The following DNAAF9 variants were observed in gnomAD, a reference collection of about 807,000 sequenced individuals.
DNAAF9 encodes the protein shulin.
A neutral mutation model predicts 167.0 loss-of-function variants in DNAAF9; 90 were observed. That is an observed-to-expected ratio of 0.54 (90% CI 0.45 to 0.64). DNAAF9 has a LOEUF of 0.64. Among genes scored for constraint, DNAAF9 ranks in the 30% least tolerant of loss-of-function variants. The pLI is 0.00. For missense variants in DNAAF9, 1,315 were observed against 1,442.2 expected (o/e 0.91, Z 1.43); for synonymous variants, 491 against 508.8 (o/e 0.96, Z 0.47).
rs113437694 is a variant in DNAAF9 at position 3,336,061 on chromosome 20, T to G, written c.982-3700A>C. ...TTGCTTGAACCCAGGAGGCGGAGAT[T>G]GCAGTGATTCAAGATTGAGCCACTG... On this transcript the variant is annotated intron_variant, in intron 10 of 36. Transcript: ENST00000252032. Among the ~76,000 whole-genome samples, 209 of 152,190 alleles carry G rather than the reference T, an allele frequency of 1.4e-3. 1 individual carries two copies. The highest frequency in any genetic ancestry group is 2.7e-3 in the Non-Finnish European group (185 of 68,014).
chr20:3,269,111 G>T (rs183309513), intron 30 of DNAAF9, among the ~76,000 whole-genome samples: 231 of 151,168 alleles, frequency 1.5e-3, no homozygotes, highest in Non-Finnish European at 1.7e-3. Context: ...GTTCCACCGT[G>T]TTAACAAGGA....
intron 1 of DNAAF9, among the ~76,000 whole-genome samples, chr20:3,392,793 T>C (rs969997884): frequency 4.0e-5 from 4 of 99,236 alleles, no homozygotes; most frequent in African/African-American, 1.6e-4. Flanking sequence ...GATTTATGCT[T>C]TCTTTATCTT....
In DNAAF9 at chr20:3,388,937, T is replaced by C. The variant is rs543066224; in HGVS notation, c.84-6431A>G. Among the ~76,000 whole-genome samples, 14 of 152,284 alleles carry C rather than the reference T, an allele frequency of 9.2e-5. No homozygotes were observed. The South Asian group carries it at 2.7e-3, about 29-fold the overall frequency. On this transcript the variant is annotated intron_variant, in intron 1 of 36. Coordinates refer to ENST00000252032, the MANE Select transcript of DNAAF9 (RefSeq NM_001009984.3). Reference sequence around the variant, plus strand: ...ATTGTACACTTAGAAGTAGTTAAAATGGTAAATTTTATGGCATGTGTATTT... The same window carrying C: ...ATTGTACACTTAGAAGTAGTTAAAACGGTAAATTTTATGGCATGTGTATTT...
chr20:3,277,548 C>T (rs754324120), intron 29 of DNAAF9, among the ~76,000 whole-genome samples: 15 of 152,034 alleles, frequency 9.9e-5, no homozygotes, highest in Non-Finnish European at 1.9e-4. Flanking sequence ...ATTTGAAGGA[C>T]AGGTACCACC....
chr20:3,332,826 A>T (rs2069856283), intron 10 of DNAAF9, among the ~76,000 whole-genome samples: 1 of 151,556 alleles, frequency 6.6e-6, no homozygotes, highest in Non-Finnish European at 1.5e-5. Flanking sequence ...GGAAAAGATG[A>T]TCTTTAACTG....
intron 25 of DNAAF9, among the ~76,000 whole-genome samples, chr20:3,292,947 G>A (rs566161615): frequency 6.6e-5 from 10 of 151,870 alleles, no homozygotes; most frequent in South Asian, 2.1e-4. Context: ...TTAACAGGGC[G>A]TGGTGGCAGG....
In DNAAF9 at chr20:3,255,893, G is replaced by C. The variant is rs188637302; in HGVS notation, c.3261+113C>G. On this transcript the variant is annotated intron_variant, in intron 34 of 36. Coordinates refer to ENST00000252032, the MANE Select transcript of DNAAF9 (RefSeq NM_001009984.3). ...CAAGTGCTGGCTGGGCCAGGGAGAG[G>C]AAGCCCAGTGGGGAGGCATCAGGGA... 38 of 770,324 alleles carry C rather than the reference G, an allele frequency of 4.9e-5. No homozygotes were observed. In the East Asian group the frequency reaches 9.7e-4, roughly 20 times the overall value. 47.7% of individuals were successfully genotyped at this position (770,324 alleles called of 1,614,324 possible).
At position 3,391,474 on chromosome 20, in the gene DNAAF9, GA is replaced by G. The variant is rs979613544; in HGVS notation, c.84-8969del. 9.3e-5 allele frequency among the ~76,000 whole-genome samples: 14 copies of G among 150,968 alleles called. No individual in the cohort carries two copies. In the East Asian group the frequency reaches 2.3e-3, roughly 25 times the overall value. On this transcript the variant is annotated intron_variant, in intron 1 of 36. Transcript: ENST00000252032. ...TGAATATTTACTGTCTATTTTGAGG[GA>G]AAAAAAGGAATATTACATAAAAACC...
chr20:3,334,280 G>A (rs568981309), intron 10 of DNAAF9, among the ~76,000 whole-genome samples: 1 of 152,242 alleles, frequency 6.6e-6, no homozygotes, highest in Non-Finnish European at 1.5e-5. Context: ...GGTGTCTCAC[G>A]GTCATTTCAA....
chr20:3,295,022 C>T lies in DNAAF9; in HGVS notation c.2019-393G>A, dbSNP rs964507375. Among the ~76,000 whole-genome samples the T allele has an allele frequency of 1.8e-4, 28 of 151,884 alleles. 1 individual carries two copies. Among genetic ancestry groups the T allele is most frequent in the Admixed American group, 1.5e-3 (23 of 15,248 alleles). Reference sequence around the variant, plus strand: ...CTGGGACTACAGGTGCCTGCCACCACGCCCAACTAATTTTGTGTTTGTATT... The same window carrying T: ...CTGGGACTACAGGTGCCTGCCACCATGCCCAACTAATTTTGTGTTTGTATT... On this transcript the variant is annotated intron_variant, in intron 23 of 36. Coordinates refer to ENST00000252032, the MANE Select transcript of DNAAF9 (RefSeq NM_001009984.3).
chr20:3,285,796 T>C (rs1208989575), intron 27 of DNAAF9, among the ~76,000 whole-genome samples: 1 of 150,446 alleles, frequency 6.6e-6, no homozygotes, highest in Non-Finnish European at 1.5e-5. Flanking sequence ...CTGGCCAACA[T>C]AGTGAAATCT....
intron 30 of DNAAF9, among the ~76,000 whole-genome samples, chr20:3,269,610 T>C (rs1024021468): frequency 2.0e-5 from 3 of 152,122 alleles, no homozygotes; most frequent in African/African-American, 7.2e-5. Context: ...CAAAACAAAA[T>C]GCCTCAAAAT....
chr20:3,377,630 AT>A (rs375310644), intron 3 of DNAAF9, among the ~76,000 whole-genome samples: 22 of 146,552 alleles, frequency 1.5e-4, no homozygotes, highest in African/African-American at 4.3e-4. Context: ...GCTAATTTTT[AT>A]TTTTTTTTTG....
chr20:3,392,996 T>C (rs987455826), intron 1 of DNAAF9, among the ~76,000 whole-genome samples: 38 of 152,278 alleles, frequency 2.5e-4, no homozygotes, highest in African/African-American at 8.9e-4. Flanking sequence ...AGTATTTGTT[T>C]TTACATAAGC....
chr20:3,304,821 T>C (rs971894140), intron 20 of DNAAF9, among the ~76,000 whole-genome samples: 1 of 152,218 alleles, frequency 6.6e-6, no homozygotes, highest in African/African-American at 2.4e-5. Flanking sequence ...CATTACCTTA[T>C]GGGTATCTTC....
At chr20:3,308,865 C>T (rs1010244334) in intron 20 of DNAAF9, among the ~76,000 whole-genome samples, 1 of 151,964 alleles carries the variant, frequency 6.6e-6, no homozygotes, top group African/African-American at 2.4e-5. Context: ...CACATGACTC[C>T]TCCTCCATGC....
intron 20 of DNAAF9, among the ~76,000 whole-genome samples, chr20:3,305,448 G>A (rs1289569227): frequency 6.6e-6 from 1 of 152,240 alleles, no homozygotes. Context: ...ACAGGTTTGA[G>A]TTTATTGTCA....
rs1228479336 is a variant in DNAAF9, at chr20:3,395,218, G to A, written c.83+12257C>T. 6.0e-5 allele frequency among the ~76,000 whole-genome samples: 9 copies of A among 149,596 alleles called. 1 individual carries two copies. Among genetic ancestry groups the A allele is most frequent in the Non-Finnish European group, 1.0e-4 (7 of 67,534 alleles). ...GATCTCCTGACCTCGTGATCCGCCCGTCTCGGCCTCCCAAAGTGCTGGGAT... is the reference window on the plus strand; with the variant it reads ...GATCTCCTGACCTCGTGATCCGCCCATCTCGGCCTCCCAAAGTGCTGGGAT... On this transcript the variant is annotated intron_variant, in intron 1 of 36. Coordinates refer to ENST00000252032, the MANE Select transcript of DNAAF9 (RefSeq NM_001009984.3).
In DNAAF9 at chr20:3,394,942, C is replaced by CTTTTTTTTTTTTTTT. The variant is rs1258382355; in HGVS notation, c.84-12437_84-12436insAAAAAAAAAAAAAAA. ...TTCCATGGCTTTTACTGAACATTTT[C>CTTTTTTTTTTTTTTT]TTTTTTCTTTTTTTTTTTTTTTTTT... On this transcript the variant is annotated intron_variant, in intron 1 of 36. Transcript: ENST00000252032. Among the ~76,000 whole-genome samples, 8 of 89,054 alleles carry CTTTTTTTTTTTTTTT rather than the reference C, an allele frequency of 9.0e-5. 2 individuals are homozygous for CTTTTTTTTTTTTTTT. The highest frequency in any genetic ancestry group is 1.6e-4 in the African/African-American group (4 of 25,716). The allele number at this position is 89,054 out of a possible 152,430, so 58.4% of individuals were successfully genotyped here.
Sources: allele counts gnomAD v4.1 joint callset (sites outside exome capture counted in the v4.1 genomes callset), GRCh38; gene constraint gnomAD v4.1.1; transcripts MANE v1.5; gene names NCBI Gene and HGNC (gene_info 2026-07-23, HGNC 2026-07-21).